GRID1: variants seen among roughly 807,000 people sequenced by gnomAD.
The protein encoded by GRID1 is glutamate receptor ionotropic, delta-1.
A neutral mutation model predicts 98.0 loss-of-function variants in GRID1; 28 were observed. The observed-to-expected ratio is 0.29, with a 90% confidence interval of 0.21 to 0.39. The LOEUF is 0.39. GRID1 is among the 10% of genes least tolerant of loss of function. GRID1 has a pLI of 1.00. For missense variants in GRID1, 1,111 were observed against 1,340.5 expected (o/e 0.83, Z 2.67); for synonymous variants, 553 against 538.5 (o/e 1.03, Z -0.37).
intron 4 of GRID1, among the ~76,000 whole-genome samples, chr10:86,133,957 T>A (rs554048985): frequency 3.3e-5 from 5 of 152,188 alleles, no homozygotes; most frequent in African/African-American, 1.2e-4. Context: ...TTCCACTCTT[T>A]CCAGTGGAAC....
chr10:85,702,144 A>G (rs1841458558), intron 12 of GRID1, among the ~76,000 whole-genome samples: 4 of 152,286 alleles, frequency 2.6e-5, no homozygotes, highest in Admixed American at 2.6e-4. Flanking sequence ...AATTTTAAAA[A>G]TACTATAATT....
intron 5 of GRID1, among the ~76,000 whole-genome samples, chr10:85,897,050 C>T (rs746918112): frequency 3.3e-5 from 5 of 152,200 alleles, no homozygotes; most frequent in East Asian, 3.9e-4. Context: ...AACAGTGAGA[C>T]ACAAAACTGA....
At chr10:85,722,633 G>GA (rs1841716352) in intron 12 of GRID1, among the ~76,000 whole-genome samples, 1 of 151,906 alleles carries the variant, frequency 6.6e-6, no homozygotes, top group South Asian at 2.1e-4. Context: ...TTCGAAGATT[G>GA]AAAAAAGCAT....
At chr10:86,249,583 AC>A (rs1235083098) in intron 2 of GRID1, among the ~76,000 whole-genome samples, 2 of 151,248 alleles carry the variant, frequency 1.3e-5, no homozygotes, top group Non-Finnish European at 2.9e-5. Context: ...TCTTCCACAC[AC>A]CCCGACTCAC....
chr10:86,349,877 C>A (rs1464359318), intron 2 of GRID1, among the ~76,000 whole-genome samples: 1 of 152,226 alleles, frequency 6.6e-6, no homozygotes, highest in Non-Finnish European at 1.5e-5. Context: ...ACAGACACTT[C>A]TCTGCCCTCA....
chr10:86,136,804 G>T, intron 4 of GRID1, among the ~76,000 whole-genome samples: 1 of 152,170 alleles, frequency 6.6e-6, no homozygotes, highest in Admixed American at 6.5e-5. Context: ...TCCAGCAAAA[G>T]AAACTGTAGA....
intron 12 of GRID1, among the ~76,000 whole-genome samples, chr10:85,684,657 C>A (rs1017695655): frequency 3.9e-5 from 6 of 152,154 alleles, no homozygotes; most frequent in Admixed American, 3.3e-4. Flanking sequence ...AAAAGCTTTT[C>A]CTTTGAGAGA....
chr10:85,705,921 C>A (rs895671217), intron 12 of GRID1, among the ~76,000 whole-genome samples: 1 of 152,134 alleles, frequency 6.6e-6, no homozygotes, highest in Admixed American at 6.6e-5. Flanking sequence ...GCATTTCATG[C>A]TAAAAACTCT....
intron 2 of GRID1, among the ~76,000 whole-genome samples, chr10:86,306,492 T>C (rs747368827): frequency 1.3e-5 from 2 of 152,154 alleles, no homozygotes; most frequent in African/African-American, 2.4e-5. Flanking sequence ...GGAAACTATC[T>C]AGAAATTTCC....
intron 4 of GRID1, among the ~76,000 whole-genome samples, chr10:86,010,211 G>A (rs986354442): frequency 1.3e-5 from 2 of 152,214 alleles, no homozygotes; most frequent in Admixed American, 6.5e-5. Flanking sequence ...CTTAGAGAAT[G>A]AGCAAACATT....
At chr10:85,942,395 CTT>C (rs777741217) in intron 4 of GRID1, among the ~76,000 whole-genome samples, 32 of 152,304 alleles carry the variant, frequency 2.1e-4, no homozygotes, top group African/African-American at 7.5e-4. Context: ...GTCTCTGACT[CTT>C]ATGTCTCCAA....
At chr10:86,019,797 T>C (rs1843026045) in intron 4 of GRID1, among the ~76,000 whole-genome samples, 1 of 152,178 alleles carries the variant, frequency 6.6e-6, no homozygotes, top group South Asian at 2.1e-4. Flanking sequence ...CAAAAATCTA[T>C]TTGGCCAAGG....
chr10:85,951,073 G>A (rs902437983), intron 4 of GRID1, among the ~76,000 whole-genome samples: 12 of 152,050 alleles, frequency 7.9e-5, no homozygotes, highest in African/African-American at 2.4e-4. Context: ...TCCTATCCCC[G>A]GTCATTGGAT....
At chr10:85,890,182 G>A (rs1348874960) in intron 5 of GRID1, among the ~76,000 whole-genome samples, 6 of 151,900 alleles carry the variant, frequency 3.9e-5, no homozygotes, top group Admixed American at 6.6e-5. Flanking sequence ...GCAATTCTCT[G>A]ATGATTACTG....
intron 8 of GRID1, among the ~76,000 whole-genome samples, chr10:85,820,716 T>C (rs920178237): frequency 1.3e-5 from 2 of 152,228 alleles, no homozygotes; most frequent in African/African-American, 2.4e-5. Context: ...ACCACTATTA[T>C]ACCATTATAC....
At chr10:86,113,848 C>T (rs966420751) in intron 4 of GRID1, among the ~76,000 whole-genome samples, 1 of 152,200 alleles carries the variant, frequency 6.6e-6, no homozygotes, top group Non-Finnish European at 1.5e-5. Context: ...CCCAAGAACA[C>T]CCATCCAGAA....
chr10:86,269,242 A>G (rs1408502390), intron 2 of GRID1, among the ~76,000 whole-genome samples: 1 of 152,210 alleles, frequency 6.6e-6, no homozygotes, highest in Non-Finnish European at 1.5e-5. Context: ...ATTAGCTCCA[A>G]GATGCCTGGA....
intron 2 of GRID1, among the ~76,000 whole-genome samples, chr10:86,300,336 G>A (rs180798685): frequency 7.9e-5 from 12 of 151,532 alleles, no homozygotes; most frequent in South Asian, 2.1e-4. Flanking sequence ...GCTCGATGGC[G>A]CAAGCTGGTG....
chr10:85,903,873 C>A (rs901711181), intron 5 of GRID1, among the ~76,000 whole-genome samples: 1 of 152,214 alleles, frequency 6.6e-6, no homozygotes, highest in Non-Finnish European at 1.5e-5. Context: ...TTCCTCACTT[C>A]TTCAAGTCCC....
Sources: allele counts gnomAD v4.1 joint callset (sites outside exome capture counted in the v4.1 genomes callset), GRCh38; gene constraint gnomAD v4.1.1; transcripts MANE v1.5; gene names NCBI Gene and HGNC (gene_info 2026-07-23, HGNC 2026-07-21).